SRFBP1: variants seen among roughly 807,000 people sequenced by gnomAD.
The protein encoded by SRFBP1 is serum response factor-binding protein 1.
Under a neutral mutation model 45.5 loss-of-function variants are expected in SRFBP1, and 47 were observed. The observed-to-expected ratio is 1.03, with a 90% CI of 0.82 to 1.32. The LOEUF (loss-of-function observed/expected upper bound fraction) is 1.32, where lower values mean the gene tolerates loss of function less well. Among genes scored for constraint, SRFBP1 ranks in the 40% most tolerant of loss-of-function variants. SRFBP1 has a pLI of 0.00. For synonymous variants in SRFBP1, 203 were observed against 166.3 expected, an observed-to-expected ratio of 1.22 and a Z score of -1.70; for missense variants, 621 against 484.6, an observed-to-expected ratio of 1.28 and a Z score of -2.64.
intron 4 of SRFBP1, among the ~76,000 whole-genome samples, chr5:122,002,810 A>G (rs1236242574): frequency 6.6e-6 from 1 of 152,204 alleles, no homozygotes; most frequent in Non-Finnish European, 1.5e-5. Flanking sequence ...GGAAAATCTG[A>G]AGATTAAAAA....
intron 4 of SRFBP1, among the ~76,000 whole-genome samples, chr5:122,013,140 A>G (rs1401283368): frequency 1.3e-5 from 2 of 152,210 alleles, no homozygotes; most frequent in East Asian, 3.9e-4. Flanking sequence ...TCATCCTCCC[A>G]GTGTTTACAT....
At chr5:121,993,213 C>T (rs1752652267) in intron 3 of SRFBP1, among the ~76,000 whole-genome samples, 1 of 151,894 alleles carries the variant, frequency 6.6e-6, no homozygotes, top group African/African-American at 2.4e-5. Context: ...TCTGAAAGAC[C>T]ACAAAAGTTG....
chr5:121,999,229 A>G (rs2112681591), intron 4 of SRFBP1, among the ~76,000 whole-genome samples: 3 of 152,178 alleles, frequency 2.0e-5, no homozygotes, highest in Admixed American at 2.0e-4. Flanking sequence ...TCTTTGATTC[A>G]TGGTTTAATT....
chr5:121,991,181 C>G (rs138177279), intron 3 of SRFBP1, among the ~76,000 whole-genome samples: 2 of 152,186 alleles, frequency 1.3e-5, no homozygotes, highest in African/African-American at 4.8e-5. Context: ...AATTACTGAT[C>G]TTCTGGATTC....
chr5:122,060,161 T>C (rs1292272755), intron 2 of SRFBP1, among the ~76,000 whole-genome samples: 5 of 152,032 alleles, frequency 3.3e-5, no homozygotes, highest in African/African-American at 1.2e-4. Flanking sequence ...GTAGAGAAGA[T>C]GGTGGCATTA....
intron 2 of SRFBP1, among the ~76,000 whole-genome samples, chr5:122,054,961 T>C (rs1416124051): frequency 1.3e-5 from 2 of 152,226 alleles, no homozygotes; most frequent in East Asian, 3.8e-4. Flanking sequence ...AGGTGACTTA[T>C]TGAAGATCAC....
At chr5:121,991,773 A>G (rs1240366748) in intron 3 of SRFBP1, among the ~76,000 whole-genome samples, 1 of 152,158 alleles carries the variant, frequency 6.6e-6, no homozygotes, top group Non-Finnish European at 1.5e-5. Context: ...TTTGCTAAAC[A>G]CAATTTTTAC....
At chr5:122,058,210 A>C (rs1754115883) in intron 2 of SRFBP1, among the ~76,000 whole-genome samples, 1 of 152,182 alleles carries the variant, frequency 6.6e-6, no homozygotes, top group Non-Finnish European at 1.5e-5. Context: ...AGAATGACAT[A>C]GTACACTTCT....
At chr5:121,962,530 A>T (rs1331754651) in intron 1 of SRFBP1, among the ~76,000 whole-genome samples, 1 of 152,230 alleles carries the variant, frequency 6.6e-6, no homozygotes, top group East Asian at 1.9e-4. Context: ...ATGAGACTGT[A>T]TGCTCAGTAC....
intron 4 of SRFBP1, among the ~76,000 whole-genome samples, chr5:122,010,088 C>G (rs916629962): frequency 1.6e-4 from 24 of 152,118 alleles, no homozygotes; most frequent in African/African-American, 5.8e-4. Flanking sequence ...TGTCACATCA[C>G]TACTGAAAAT....
Position 122,027,145 on chromosome 5 carries a change from A to G in SRFBP1, c.*19A>G, listed in dbSNP as rs1421266700. 8.9e-6 allele frequency: 14 copies of G among 1,580,396 alleles called. No homozygotes were observed. In the East Asian group the frequency reaches 2.7e-4, roughly 31 times the overall value. ...TGATTGATTAGTGCCTCTTTCTGCA[A>G]ACTTTTCCATCTAAAAAAAAAAATG... On this transcript the variant is annotated 3_prime_UTR_variant, in exon 8 of 8. Coordinates refer to ENST00000339397, the MANE Select transcript of SRFBP1 (RefSeq NM_152546.3).
intron 3 of SRFBP1, among the ~76,000 whole-genome samples, chr5:121,986,110 T>G (rs1407905912): frequency 6.6e-6 from 1 of 151,926 alleles, no homozygotes; most frequent in Non-Finnish European, 1.5e-5. Flanking sequence ...GGTCCATTCT[T>G]AAGTTAGAAG....
chr5:121,967,665 T>C (rs1305821563), intron 1 of SRFBP1, among the ~76,000 whole-genome samples: 1 of 152,092 alleles, frequency 6.6e-6, no homozygotes, highest in African/African-American at 2.4e-5. Context: ...AAACCCCGTC[T>C]CTACAAAAAA....
At chr5:122,051,034 A>G (rs1753964719) in intron 2 of SRFBP1, among the ~76,000 whole-genome samples, 2 of 152,016 alleles carry the variant, frequency 1.3e-5, no homozygotes, top group Non-Finnish European at 2.9e-5. Flanking sequence ...GGAGCAGGTT[A>G]TTTATTTCTA....
intron 2 of SRFBP1, among the ~76,000 whole-genome samples, chr5:122,035,037 G>A (rs1360743743): frequency 6.6e-6 from 1 of 151,198 alleles, no homozygotes; most frequent in African/African-American, 2.5e-5. Context: ...CAGGGATACA[G>A]GTTTTTTTTT....
chr5:122,055,894 AC>A (rs1754069377), intron 2 of SRFBP1, among the ~76,000 whole-genome samples: 1 of 152,146 alleles, frequency 6.6e-6, no homozygotes, highest in Non-Finnish European at 1.5e-5. Context: ...ATGTAGGGGA[AC>A]TTCCCACTAA....
At chr5:122,036,007 G>T (rs1319555937) in intron 2 of SRFBP1, among the ~76,000 whole-genome samples, 1 of 152,190 alleles carries the variant, frequency 6.6e-6, no homozygotes, top group Non-Finnish European at 1.5e-5. Flanking sequence ...ATGGTCCTTT[G>T]TGTTTTCCCC....
intron 2 of SRFBP1, among the ~76,000 whole-genome samples, chr5:122,056,941 A>G (rs1241512346): frequency 6.6e-6 from 1 of 152,224 alleles, no homozygotes; most frequent in Non-Finnish European, 1.5e-5. Flanking sequence ...AGTGAAGAGG[A>G]CAATTGGGAC....
chr5:122,047,556 T>C (rs1310922884), intron 2 of SRFBP1, among the ~76,000 whole-genome samples: 3 of 152,208 alleles, frequency 2.0e-5, no homozygotes, highest in Non-Finnish European at 4.4e-5. Flanking sequence ...ATATGAACTT[T>C]AAAGTAGTTT....
Sources: allele counts gnomAD v4.1 joint callset (sites outside exome capture counted in the v4.1 genomes callset), GRCh38; gene constraint gnomAD v4.1.1; transcripts MANE v1.5; gene names NCBI Gene and HGNC (gene_info 2026-07-23, HGNC 2026-07-21).